PDE4D: variants seen among roughly 807,000 people sequenced by gnomAD.
PDE4D encodes 3',5'-cyclic-AMP phosphodiesterase 4D.
Under a neutral mutation model 87.4 loss-of-function variants are expected in PDE4D, and 24 were observed. The ratio of observed to expected loss-of-function variants is 0.27; its 90% confidence interval spans 0.20 to 0.39. PDE4D has a LOEUF of 0.39. Among genes scored for constraint, PDE4D ranks in the 10% least tolerant of loss-of-function variants. The pLI is 1.00. For missense variants in PDE4D, 714 were observed against 1,041.0 expected (o/e 0.69, Z 4.32); for synonymous variants, 384 against 383.2 (o/e 1.00, Z -0.02).
intron 5 of PDE4D, among the ~76,000 whole-genome samples, chr5:59,124,868 A>C (rs1013734139): frequency 3.3e-5 from 5 of 152,188 alleles, no homozygotes; most frequent in African/African-American, 1.2e-4. Flanking sequence ...ATCTATCTAT[A>C]TATTTTTATT....
At chr5:60,172,048 A>G (rs1783484951) in intron 2 of PDE4D, among the ~76,000 whole-genome samples, 1 of 149,042 alleles carries the variant, frequency 6.7e-6, no homozygotes, top group African/African-American at 2.4e-5. Flanking sequence ...GTATCATAGA[A>G]AAGTTACATA....
At chr5:60,183,437 T>A (rs1302054807) in intron 2 of PDE4D, among the ~76,000 whole-genome samples, 1 of 152,222 alleles carries the variant, frequency 6.6e-6, no homozygotes, top group Admixed American at 6.5e-5. Context: ...ACCCATCTTA[T>A]GCCTGAATTG....
At chr5:59,198,960 T>C (rs1746106512) in intron 2 of PDE4D, among the ~76,000 whole-genome samples, 2 of 152,162 alleles carry the variant, frequency 1.3e-5, no homozygotes, top group South Asian at 4.1e-4. Flanking sequence ...CACCTGAAAA[T>C]ATAATTTCCT....
chr5:59,625,203 G>A (rs1481898680), intron 1 of PDE4D, among the ~76,000 whole-genome samples: 4 of 152,184 alleles, frequency 2.6e-5, no homozygotes, highest in Non-Finnish European at 5.9e-5. Context: ...GAGATGAAGT[G>A]TGAGAGGGGA....
At chr5:59,150,859 T>C (rs1387452737) in intron 5 of PDE4D, among the ~76,000 whole-genome samples, 1 of 152,196 alleles carries the variant, frequency 6.6e-6, no homozygotes, top group Non-Finnish European at 1.5e-5. Context: ...GGCCTAAAAT[T>C]GGGCCTAGAG....
At chr5:59,407,050 G>T (rs975910852) in intron 1 of PDE4D, among the ~76,000 whole-genome samples, 4 of 152,152 alleles carry the variant, frequency 2.6e-5, no homozygotes, top group African/African-American at 7.2e-5. Flanking sequence ...AGAGTCTTGG[G>T]GTTCATTATA....
intron 2 of PDE4D, among the ~76,000 whole-genome samples, chr5:60,065,255 T>G (rs1771917463): frequency 1.4e-5 from 2 of 146,792 alleles, no homozygotes; most frequent in African/African-American, 5.0e-5. Flanking sequence ...GCAAATATAG[T>G]GCAAGTGTGT....
intron 3 of PDE4D, among the ~76,000 whole-genome samples, chr5:59,906,784 G>A (rs59646204): frequency 0.023 from 3,472 of 152,194 alleles, 138 homozygotes; most frequent in African/African-American, 0.08. Context: ...GTTGATGGGA[G>A]TGTAAATTAG....
intron 1 of PDE4D, among the ~76,000 whole-genome samples, chr5:60,406,849 T>C (rs1178463701): frequency 6.6e-6 from 1 of 152,040 alleles, no homozygotes; most frequent in East Asian, 1.9e-4. Flanking sequence ...CTATTTCTTG[T>C]AAATTATGTT....
chr5:59,197,147 T>G (rs79310010), intron 2 of PDE4D, among the ~76,000 whole-genome samples: 2 of 152,170 alleles, frequency 1.3e-5, no homozygotes, highest in Non-Finnish European at 2.9e-5. Context: ...GTCTCCTAAT[T>G]TTTTATATAG....
intron 1 of PDE4D, among the ~76,000 whole-genome samples, chr5:59,769,611 AC>A (rs1561633519): frequency 6.6e-6 from 1 of 152,222 alleles, no homozygotes; most frequent in African/African-American, 2.4e-5. Context: ...AAATGTTGTA[AC>A]AAGAAAGTAT....
intron 1 of PDE4D, among the ~76,000 whole-genome samples, chr5:59,691,532 G>A (rs1462031255): frequency 2.8e-5 from 4 of 145,388 alleles, no homozygotes; most frequent in Non-Finnish European, 6.0e-5. Context: ...AGAACACTTG[G>A]ACACAGGGTG....
At chr5:59,257,341 T>C (rs1267590043) in intron 1 of PDE4D, among the ~76,000 whole-genome samples, 6 of 152,040 alleles carry the variant, frequency 3.9e-5, no homozygotes, top group Admixed American at 2.0e-4. Context: ...ACATACATCC[T>C]GAGCAGTCTT....
intron 1 of PDE4D, among the ~76,000 whole-genome samples, chr5:60,304,976 A>G (rs1754342707): frequency 6.6e-6 from 1 of 151,556 alleles, no homozygotes; most frequent in Non-Finnish European, 1.5e-5. Context: ...TTGTGGCTTT[A>G]CTTAAAATTG....
intron 1 of PDE4D, among the ~76,000 whole-genome samples, chr5:59,661,486 T>C (rs1359554496): frequency 6.6e-6 from 1 of 152,230 alleles, no homozygotes. Context: ...AAGTGACATA[T>C]GACTCTAGAT....
chr5:60,433,042 G>A (rs1561251822), intron 1 of PDE4D, among the ~76,000 whole-genome samples: 1 of 152,078 alleles, frequency 6.6e-6, no homozygotes. Context: ...TGATGAATAT[G>A]CCAAAAGCAA....
chr5:60,131,292 G>C (rs1394554693), intron 2 of PDE4D, among the ~76,000 whole-genome samples: 1 of 152,168 alleles, frequency 6.6e-6, no homozygotes, highest in Non-Finnish European at 1.5e-5. Context: ...GGTAAGTAGA[G>C]AAGGATAAAG....
chr5:59,489,860 A>G (rs554093950), intron 1 of PDE4D, among the ~76,000 whole-genome samples: 72 of 152,324 alleles, frequency 4.7e-4, no homozygotes, highest in African/African-American at 1.7e-3. Context: ...CCAGTTTTCT[A>G]TAGAGCACAT....
chr5:59,878,938 G>A (rs551968616), intron 1 of PDE4D, among the ~76,000 whole-genome samples: 4 of 113,288 alleles, frequency 3.5e-5, no homozygotes, highest in Non-Finnish European at 4.9e-5. Flanking sequence ...TCGCTCTGTC[G>A]CCCAGGCTGG....
Sources: gnomAD v4.1 joint callset for allele counts (sites outside exome capture counted in the v4.1 genomes callset) on GRCh38, gnomAD v4.1.1 for gene constraint, MANE v1.5 for transcripts, NCBI Gene and HGNC (gene_info 2026-07-23, HGNC 2026-07-21) for gene names.